Variants in ASTN1 observed in about 807,000 individuals in gnomAD.
ASTN1 encodes astrotactin-1.
ASTN1 carries 41 observed loss-of-function variants against 140.7 expected under a neutral mutation model. That is an observed-to-expected ratio of 0.29 (90% confidence interval 0.23 to 0.38). The LOEUF (loss-of-function observed/expected upper bound fraction) is 0.38, where lower values mean the gene tolerates loss of function less well. Among genes scored for constraint, ASTN1 ranks in the 10% least tolerant of loss-of-function variants. The probability of loss-of-function intolerance (pLI) is 1.00; values close to 1 mark genes in which losing one functional copy is unlikely to be tolerated. For missense variants in ASTN1, 1,479 were observed against 1,678.8 expected (o/e 0.88, Z 2.08); for synonymous variants, 640 against 652.2 (o/e 0.98, Z 0.29).
chr1:176,971,896 A>G (rs986171956), intron 8 of ASTN1, among the ~76,000 whole-genome samples: 10 of 152,224 alleles, frequency 6.6e-5, no homozygotes, highest in Admixed American at 5.9e-4. Flanking sequence ...CCCTAACCTC[A>G]GTACAATCAT....
intron 1 of ASTN1, among the ~76,000 whole-genome samples, chr1:177,159,777 C>T (rs1372268407): frequency 6.6e-6 from 1 of 152,082 alleles, no homozygotes; most frequent in East Asian, 1.9e-4. Flanking sequence ...AGGAAGAGCA[C>T]TGAACATATT....
intron 3 of ASTN1, among the ~76,000 whole-genome samples, chr1:177,032,063 T>C (rs1444476364): frequency 6.6e-6 from 1 of 152,170 alleles, no homozygotes; most frequent in African/African-American, 2.4e-5. Context: ...TCCCCTCCGC[T>C]TCAATGGAGA....
intron 1 of ASTN1, among the ~76,000 whole-genome samples, chr1:177,062,075 C>T (rs1223110319): frequency 6.6e-6 from 1 of 152,016 alleles, no homozygotes; most frequent in African/African-American, 2.4e-5. Flanking sequence ...CAAAATATGC[C>T]GTGTGTATGT....
rs1439980502 is a variant in ASTN1, at chr1:177,030,819, G to A, written c.999C>T (p.Asn333=). The A allele has an allele frequency of 2.5e-6, 4 of 1,614,116 alleles. No individual in the cohort carries two copies. The highest frequency in any genetic ancestry group is 3.4e-6 in the Non-Finnish European group (4 of 1,180,008). ...HTSSSQRKRI[N]NKARAGSAFL... is the part of the protein sequence containing the mutation. ...AGACATGCATACCTCTTGCTTTGTT[G>A]TTGATCCGCTTTCTCTGGCTGCTGG... The change falls in exon 4 of 23, where the codon AAC becomes AAT. Residue 333 remains asparagine (N), a synonymous_variant. Coordinates refer to ENST00000361833, the MANE Select transcript of ASTN1 (RefSeq NM_004319.3).
At chr1:176,944,123 G>A (rs1671854441) in intron 13 of ASTN1, 105 bp from the exon 14 acceptor site, 19 of 1,452,720 alleles carry the variant, frequency 1.3e-5, no homozygotes, top group East Asian at 2.4e-5. Context: ...TGTTGCCCAG[G>A]CTGGAGTGCA....
intron 9 of ASTN1, among the ~76,000 whole-genome samples, chr1:176,960,313 G>A (rs1048340354): frequency 6.6e-6 from 1 of 152,082 alleles, no homozygotes; most frequent in Non-Finnish European, 1.5e-5. Flanking sequence ...TAGTTTGAAT[G>A]GTACCAAGGA....
At chr1:176,868,026 T>C (rs1668192511) in intron 22 of ASTN1, among the ~76,000 whole-genome samples, 1 of 152,136 alleles carries the variant, frequency 6.6e-6, no homozygotes, top group South Asian at 2.1e-4. Flanking sequence ...CTTTTTTCTA[T>C]TCTCACAGCT....
rs1553231482 is a variant in ASTN1, at chr1:176,942,820, G to GTGTATATA, written c.2377+1070_2377+1071insTATATACA. Among the ~76,000 whole-genome samples the GTGTATATA allele has an allele frequency of 9.5e-4, 24 of 25,314 alleles. 1 individual carries two copies. Among genetic ancestry groups the GTGTATATA allele is most frequent in the Non-Finnish European group, 1.4e-3 (17 of 12,436 alleles). The allele number at this position is 25,314 out of a possible 152,430, so 16.6% of individuals were successfully genotyped here. ...CCAAACCAATGTACTTTGTGTGTGT[G>GTGTATATA]TATATATATATATATGTATATATAT... is the stretch of plus-strand genomic sequence containing the variant. On this transcript the variant is annotated intron_variant, in intron 14 of 22. Transcript: ENST00000361833.
intron 2 of ASTN1, among the ~76,000 whole-genome samples, chr1:177,060,379 GA>G (rs944860744): frequency 2.0e-5 from 3 of 152,204 alleles, no homozygotes; most frequent in African/African-American, 7.2e-5. Context: ...TGGGAGAAGA[GA>G]AAAGAGAACT....
At chr1:176,865,270 A>G (rs770385917) in intron 22 of ASTN1, among the ~76,000 whole-genome samples, 1 of 152,198 alleles carries the variant, frequency 6.6e-6, no homozygotes, top group Non-Finnish European at 1.5e-5. Context: ...GGGAGAGAGG[A>G]CAGCAAGGTG....
At chr1:177,027,946 T>C (rs1237786982) in intron 5 of ASTN1, among the ~76,000 whole-genome samples, 1 of 152,076 alleles carries the variant, frequency 6.6e-6, no homozygotes, top group Non-Finnish European at 1.5e-5. Flanking sequence ...ATCACAAACC[T>C]GACCCACAGC....
In ASTN1 at chr1:177,144,079, G is replaced by A. The variant is rs547613049; in HGVS notation, c.283+20315C>T. Among the ~76,000 whole-genome samples, 6 of 151,846 alleles carry A rather than the reference G, an allele frequency of 4.0e-5. No individual in the cohort carries two copies. The South Asian group carries it at 1.2e-3, about 32-fold the overall frequency. On this transcript the variant is annotated intron_variant, in intron 1 of 22. Coordinates refer to ENST00000361833, the MANE Select transcript of ASTN1 (RefSeq NM_004319.3). ...AGCTAGAACTTTATCAAATCCATGT[G>A]GAAATAATGGCTATTACATGTTTTC...
chr1:176,999,254 T>C (rs1674604618), intron 8 of ASTN1, among the ~76,000 whole-genome samples: 1 of 152,112 alleles, frequency 6.6e-6, no homozygotes, highest in African/African-American at 2.4e-5. Context: ...TTTAAAACAA[T>C]AAAGAATCCA....
intron 20 of ASTN1, among the ~76,000 whole-genome samples, chr1:176,877,098 AACAG>A (rs1259572748): frequency 3.3e-5 from 5 of 152,220 alleles, no homozygotes; most frequent in Non-Finnish European, 7.3e-5. Context: ...TATCTTTGGA[AACAG>A]ACAGTCAGAA....
intron 11 of ASTN1, among the ~76,000 whole-genome samples, chr1:176,953,703 T>C (rs1008278520): frequency 6.6e-6 from 1 of 152,138 alleles, no homozygotes; most frequent in African/African-American, 2.4e-5. Context: ...CCATTGTAGA[T>C]AGCATGTGGA....
At chr1:177,107,380 G>A (rs750577688) in intron 1 of ASTN1, among the ~76,000 whole-genome samples, 6 of 152,168 alleles carry the variant, frequency 3.9e-5, no homozygotes, top group Non-Finnish European at 5.9e-5. Context: ...CTGTGCTCAG[G>A]ATAAATGTGG....
intron 1 of ASTN1, among the ~76,000 whole-genome samples, chr1:177,122,151 A>G (rs962091154): frequency 6.6e-6 from 1 of 152,186 alleles, no homozygotes; most frequent in Non-Finnish European, 1.5e-5. Context: ...AAGTGGTTTT[A>G]AAATGAGTTG....
intron 1 of ASTN1, among the ~76,000 whole-genome samples, chr1:177,104,561 G>A (rs979516278): frequency 5.9e-5 from 9 of 152,110 alleles, no homozygotes; most frequent in Admixed American, 1.3e-4. Context: ...CCCCACATAC[G>A]TTCACCAAAC....
At chr1:177,008,780 C>A (rs1675137700) in intron 8 of ASTN1, among the ~76,000 whole-genome samples, 1 of 152,054 alleles carries the variant, frequency 6.6e-6, no homozygotes, top group Admixed American at 6.6e-5. Flanking sequence ...AAGATAATCC[C>A]ATTTGTGGAT....
Sources: gnomAD v4.1 joint callset for allele counts (sites outside exome capture counted in the v4.1 genomes callset) on GRCh38, gnomAD v4.1.1 for gene constraint, MANE v1.5 for transcripts, NCBI Gene and HGNC (gene_info 2026-07-23, HGNC 2026-07-21) for gene names.